The following FLNB variants were observed in gnomAD, a reference collection of about 807,000 sequenced individuals.
The protein encoded by FLNB is filamin-B.
Under a neutral mutation model 250.6 loss-of-function variants are expected in FLNB, and 111 were observed. The ratio of observed to expected loss-of-function variants is 0.44; its 90% CI spans 0.38 to 0.52. FLNB has a LOEUF of 0.52. FLNB is among the 20% of genes least tolerant of loss of function. The probability of loss-of-function intolerance (pLI) is 0.00; values close to 1 mark genes in which losing one functional copy is unlikely to be tolerated. For synonymous variants in FLNB, 1,302 were observed against 1,372.1 expected (o/e 0.95, Z 1.13); for missense variants, 2,869 against 3,447.8 (o/e 0.83, Z 4.20).
intron 1 of FLNB, among the ~76,000 whole-genome samples, chr3:58,060,376 T>G (rs1428370427): frequency 7.1e-6 from 1 of 140,256 alleles, no homozygotes; most frequent in East Asian, 2.2e-4. Flanking sequence ...TTTTTTGAGA[T>G]GGAGTCTCGC....
intron 19 of FLNB, 55 bp from the exon 20 acceptor site, chr3:58,121,186 G>A: frequency 6.2e-7 from 1 of 1,612,696 alleles, no homozygotes; most frequent in Non-Finnish European, 8.5e-7. Context: ...GCTCTGGATT[G>A]TTCCTGCTGC....
chr3:58,120,718 G>A (rs181785393), intron 19 of FLNB, among the ~76,000 whole-genome samples: 270 of 152,294 alleles, frequency 1.8e-3, no homozygotes, highest in Non-Finnish European at 3.2e-3. Flanking sequence ...TGACTTATGA[G>A]GGTGTTTGGA....
At chr3:58,133,042 C>G (rs1364389521) in intron 26 of FLNB, 111 bp downstream of exon 26, 1 of 1,217,580 alleles carries the variant, frequency 8.2e-7, no homozygotes, top group East Asian at 2.6e-5. Flanking sequence ...CATCCATCCA[C>G]TCATCCATTC....
chr3:58,131,107 C>A lies in FLNB; in HGVS notation c.4390+199C>A, dbSNP rs61680876. Among the ~76,000 whole-genome samples, 2,067 of 152,246 alleles carry A rather than the reference C, an allele frequency of 0.014. 47 individuals carry two copies. The highest frequency in any genetic ancestry group is 0.048 in the African/African-American group (1,984 of 41,538). On this transcript the variant is annotated intron_variant, in intron 25 of 45. Coordinates refer to ENST00000295956, the MANE Select transcript of FLNB (RefSeq NM_001457.4). ...GCTTGTTATTTCTCCAGTGATCTGTCCCCCCATTTAATAATATGGCTATCA... is the reference window on the plus strand; with the variant it reads ...GCTTGTTATTTCTCCAGTGATCTGTACCCCCATTTAATAATATGGCTATCA...
chr3:58,026,227 A>G (rs2097123451), intron 1 of FLNB, among the ~76,000 whole-genome samples: 1 of 152,172 alleles, frequency 6.6e-6, no homozygotes, highest in Admixed American at 6.5e-5. Flanking sequence ...CATGAGGCTG[A>G]GGCTGTGCTG....
chr3:58,109,581 C>A lies in FLNB; in HGVS notation c.2205C>A (p.Asn735Lys). ...CTTCTCCATGTCTTCTCTAGGTCAA[C>A]ATCGGGCAAGGTAGCCATCCTCAGA... ...VNIPHSPYRV[N>K]IGQGSHPQKV... The change falls in exon 15 of 46, where the codon AAC (asparagine) becomes AAA (lysine). Residue 735 changes from asparagine (N) to lysine (K), a missense_variant. Physicochemically the swap from Asn to Lys is moderately conservative, Grantham distance 94. Coordinates refer to ENST00000295956, the MANE Select transcript of FLNB (RefSeq NM_001457.4). 1 of 1,614,242 alleles carries A rather than the reference C, an allele frequency of 6.2e-7. No individual in the cohort carries two copies. The highest frequency in any genetic ancestry group is 2.2e-5 in the East Asian group (1 of 44,886).
Position 58,130,741 on chromosome 3 carries a change from G to A in FLNB, c.4223G>A (p.Gly1408Asp). The change falls in exon 25 of 46, where the codon GGC becomes GAC. Residue 1408 changes from glycine (G) to aspartate (D), a missense_variant and splice_region_variant. Coordinates refer to ENST00000295956, the MANE Select transcript of FLNB (RefSeq NM_001457.4). ...CAGAATCCCACAACCTCTCTTCCAG[G>A]CAGCCCCTTCAGGGTTCCTGTGAAG... ...NITYGGAHIP[G>D]SPFRVPVKDV... 1 of 1,612,524 alleles carries A rather than the reference G, an allele frequency of 6.2e-7. No homozygotes were observed.
At chr3:58,036,718 C>G (rs1255252385) in intron 1 of FLNB, among the ~76,000 whole-genome samples, 1 of 152,156 alleles carries the variant, frequency 6.6e-6, no homozygotes. Context: ...GCTCCCAAGG[C>G]AAGAAGAGGG....
intron 18 of FLNB, among the ~76,000 whole-genome samples, chr3:58,117,298 T>C (rs1559705095): frequency 6.6e-6 from 1 of 152,192 alleles, no homozygotes; most frequent in East Asian, 1.9e-4. Context: ...TCCCCCTTCT[T>C]AGGTTATTTA....
In FLNB at chr3:58,025,105, TC is replaced by T. The variant is rs1351106805; in HGVS notation, c.292+16250del. ...GTCCTTCCCTTCCATTTCTTTTTTTTCTTTTTTCTTTTCTTCTTTCTTTCTT... is the reference window on the plus strand; with the variant it reads ...GTCCTTCCCTTCCATTTCTTTTTTTTTTTTTTCTTTTCTTCTTTCTTTCTT... On this transcript the variant is annotated intron_variant, in intron 1 of 45. Transcript: ENST00000295956. Among the ~76,000 whole-genome samples the T allele has an allele frequency of 4.7e-3, 680 of 144,828 alleles. 3 individuals are homozygous for T. The highest frequency in any genetic ancestry group is 0.017 in the African/African-American group (648 of 38,342).
chr3:58,070,135 CCTCCTGGGT>C (rs1370997580), intron 1 of FLNB, among the ~76,000 whole-genome samples: 4 of 150,620 alleles, frequency 2.7e-5, no homozygotes, highest in African/African-American at 9.8e-5. Context: ...TGCAACCGCG[CCTCCTGGGT>C]TCAAGTGATT....
rs1021942556 is a variant in FLNB at position 58,121,456 on chromosome 3, G to T, written c.3079G>T (p.Gly1027Trp). 6.8e-6 allele frequency: 11 copies of T among 1,614,082 alleles called. No homozygotes were observed. Among genetic ancestry groups the T allele is most frequent in the Non-Finnish European group, 9.3e-6 (11 of 1,180,008 alleles). Residue 1027 changes from glycine (G) to tryptophan (W), a missense_variant, in exon 20 of 46, where the codon GGG (glycine) becomes TGG (tryptophan). Physicochemically the swap from Gly to Trp is radical, Grantham distance 184 (BLOSUM62 -2). Around this residue, in one of 5 missense-constraint regions of FLNB, gnomAD observed 1,348 missense variants for 1,466.7 expected, o/e 0.92. Transcript: ENST00000295956. Reference sequence around the variant, plus strand: ...GACCTACGATGGACACCCTGTGCCCGGGAGCCCCTACACAGTGGAGGCCTC... The same window carrying T: ...GACCTACGATGGACACCCTGTGCCCTGGAGCCCCTACACAGTGGAGGCCTC... ...DVTYDGHPVPGSPYTVEASLP... is the reference protein window; with the variant it reads ...DVTYDGHPVPWSPYTVEASLP...
At chr3:58,024,319 C>T (rs2097119524) in intron 1 of FLNB, among the ~76,000 whole-genome samples, 1 of 152,172 alleles carries the variant, frequency 6.6e-6, no homozygotes, top group East Asian at 1.9e-4. Context: ...CCCTTACTGG[C>T]GTTATCGAAG....
chr3:58,063,014 C>T (rs1049377131), intron 1 of FLNB, among the ~76,000 whole-genome samples: 4 of 152,324 alleles, frequency 2.6e-5, no homozygotes, highest in South Asian at 4.1e-4. Flanking sequence ...TCCATCGTAT[C>T]ACCGCAGCCT....
chr3:58,029,825 T>C (rs1263207600), intron 1 of FLNB, among the ~76,000 whole-genome samples: 2 of 150,650 alleles, frequency 1.3e-5, no homozygotes, highest in Non-Finnish European at 2.9e-5. Flanking sequence ...GAATGAGAAT[T>C]TGGGAGTCAG....
intron 29 of FLNB, among the ~76,000 whole-genome samples, chr3:58,140,397 T>C (rs918582718): frequency 6.6e-6 from 1 of 152,190 alleles, no homozygotes; most frequent in Non-Finnish European, 1.5e-5. Context: ...AGCTCCAACC[T>C]GTGCAGGCAG....
chr3:58,129,172 C>A (rs1489487304), intron 24 of FLNB, among the ~76,000 whole-genome samples: 1 of 152,078 alleles, frequency 6.6e-6, no homozygotes, highest in Non-Finnish European at 1.5e-5. Flanking sequence ...CCTGTCTTAC[C>A]CGTAATGGCA....
Position 58,008,454 on chromosome 3 carries a change from A to C in FLNB, c.-111A>C. On this transcript the variant is annotated 5_prime_UTR_variant, in exon 1 of 46. Transcript: ENST00000295956. ...CACCGGCCGTGGCTCCGGTAGCAGC[A>C]AGTTCGAACCCCGCTCCCGCTCCGC... 7.7e-7 allele frequency: 1 copy of C among 1,301,352 alleles called. No homozygotes were observed. The highest frequency in any genetic ancestry group is 1.1e-6 in the Non-Finnish European group (1 of 926,180). The allele number at this position is 1,301,352 out of a possible 1,614,324, so 80.6% of individuals were successfully genotyped here. A position where few individuals can be genotyped will look rare whatever the true frequency, so the allele number is the denominator to read the frequency against.
chr3:58,152,888 G>A (rs564791290), intron 38 of FLNB: 16 of 397,912 alleles, frequency 4.0e-5, no homozygotes, highest in African/African-American at 2.1e-4. Context: ...GTGGTCTTGC[G>A]TCCTAGCACT....
Sources: gnomAD v4.1 joint callset for allele counts (sites outside exome capture counted in the v4.1 genomes callset) on GRCh38, gnomAD v4.1.1 for gene constraint, gnomAD v4.1.1 regional missense constraint, MANE v1.5 for transcripts, NCBI Gene and HGNC (gene_info 2026-07-23, HGNC 2026-07-21) for gene names.